The following OXR1 variants were observed in gnomAD, a reference collection of about 807,000 sequenced individuals.
OXR1 encodes the protein oxidation resistance protein 1.
A neutral mutation model predicts 104.6 loss-of-function variants in OXR1; 41 were observed. The ratio of observed to expected loss-of-function variants is 0.39; its 90% confidence interval spans 0.31 to 0.51. The LOEUF (loss-of-function observed/expected upper bound fraction) is 0.51, where lower values mean the gene tolerates loss of function less well. Among genes scored for constraint, OXR1 ranks in the 20% least tolerant of loss-of-function variants. The pLI, the probability that OXR1 is intolerant of heterozygous loss-of-function variation, is 0.77. For synonymous variants in OXR1, 348 were observed against 348.4 expected (o/e 1.00, Z 0.01); for missense variants, 955 against 1,031.9 (o/e 0.93, Z 1.02).
chr8:106,415,674 A>T (rs1166504169), intron 2 of OXR1, among the ~76,000 whole-genome samples: 2 of 150,734 alleles, frequency 1.3e-5, no homozygotes, highest in South Asian at 2.1e-4. Flanking sequence ...TATAAGACAC[A>T]CTCTTTTTAA....
chr8:106,522,320 T>C (rs1156381295), intron 3 of OXR1, among the ~76,000 whole-genome samples: 1 of 152,224 alleles, frequency 6.6e-6, no homozygotes, highest in Non-Finnish European at 1.5e-5. Context: ...CATGCTCCTG[T>C]ATACTGGAAA....
intron 2 of OXR1, among the ~76,000 whole-genome samples, chr8:106,403,563 G>A (rs1198594889): frequency 1.3e-5 from 2 of 152,220 alleles, no homozygotes; most frequent in Admixed American, 1.3e-4. Flanking sequence ...GATTCTACCA[G>A]TTTAGATAGG....
intron 1 of OXR1, among the ~76,000 whole-genome samples, chr8:106,307,681 G>A (rs2130117750): frequency 6.6e-6 from 1 of 152,164 alleles, no homozygotes; most frequent in South Asian, 2.1e-4. Context: ...GCTATAACAG[G>A]TACCTAGGGC....
At chr8:106,315,702 T>C (rs1586511801) in intron 1 of OXR1, among the ~76,000 whole-genome samples, 1 of 152,246 alleles carries the variant, frequency 6.6e-6, no homozygotes, top group African/African-American at 2.4e-5. Context: ...TATGAATTGT[T>C]ATTTTCTCCA....
At chr8:106,509,773 A>C (rs187409380) in intron 2 of OXR1, among the ~76,000 whole-genome samples, 2 of 152,204 alleles carry the variant, frequency 1.3e-5, no homozygotes, top group Admixed American at 1.3e-4. Context: ...TCCAACAAAC[A>C]TTCTTTATTT....
At chr8:106,323,991 C>G (rs1288422442) in intron 1 of OXR1, among the ~76,000 whole-genome samples, 4 of 152,074 alleles carry the variant, frequency 2.6e-5, no homozygotes, top group African/African-American at 9.7e-5. Context: ...ACCATTCAAC[C>G]CAGCAATCCC....
chr8:106,435,899 C>T (rs906226443), intron 2 of OXR1, among the ~76,000 whole-genome samples: 3 of 151,954 alleles, frequency 2.0e-5, no homozygotes, highest in African/African-American at 7.2e-5. Context: ...ACAAATATGA[C>T]CAAAAGTGAT....
chr8:106,677,459 G>A (rs937862981), intron 3 of OXR1, among the ~76,000 whole-genome samples: 3 of 152,056 alleles, frequency 2.0e-5, no homozygotes, highest in South Asian at 2.1e-4. Flanking sequence ...ATTGCCACCA[G>A]GAATGCAGAA....
At chr8:106,703,232 G>C in intron 8 of OXR1, 142 bp downstream of exon 8, 1 of 565,994 alleles carries the variant, frequency 1.8e-6, no homozygotes, top group South Asian at 2.7e-5. Context: ...ATGCATTATT[G>C]AGAAGATTAT....
At chr8:106,618,007 T>C (rs1821382355) in intron 3 of OXR1, 7 of 1,487,232 alleles carry the variant, frequency 4.7e-6, no homozygotes, top group Non-Finnish European at 6.2e-6. Flanking sequence ...TCTTGCACAC[T>C]GCCACCAGGG....
chr8:106,375,251 C>T (rs533147389), intron 2 of OXR1, among the ~76,000 whole-genome samples: 9 of 152,124 alleles, frequency 5.9e-5, no homozygotes, highest in African/African-American at 1.7e-4. Flanking sequence ...ACTGTAAAGA[C>T]GATGATATAA....
At chr8:106,514,246 G>A (rs1173728806) in intron 2 of OXR1, among the ~76,000 whole-genome samples, 5 of 151,918 alleles carry the variant, frequency 3.3e-5, no homozygotes, top group Admixed American at 1.3e-4. Context: ...TTTGTTTAAC[G>A]CATTTAATTA....
At chr8:106,571,109 G>T (rs1468737715) in intron 3 of OXR1, among the ~76,000 whole-genome samples, 1 of 151,818 alleles carries the variant, frequency 6.6e-6, no homozygotes, top group Admixed American at 6.6e-5. Flanking sequence ...TATATGCTAG[G>T]TGGCCAAAAA....
At chr8:106,749,232 A>C (rs1017610856) in intron 16 of OXR1, among the ~76,000 whole-genome samples, 4 of 151,478 alleles carry the variant, frequency 2.6e-5, no homozygotes, top group African/African-American at 9.7e-5. Flanking sequence ...AGTCCCAGCT[A>C]TTTGGGAGGC....
chr8:106,673,403 G>A (rs570857939), intron 3 of OXR1, among the ~76,000 whole-genome samples: 2 of 152,254 alleles, frequency 1.3e-5, no homozygotes, highest in African/African-American at 4.8e-5. Context: ...AGGTGACCTG[G>A]GTGACCGTAA....
chr8:106,284,136 T>G (rs966912213), intron 1 of OXR1, among the ~76,000 whole-genome samples: 2 of 151,816 alleles, frequency 1.3e-5, no homozygotes, highest in Admixed American at 6.6e-5. Flanking sequence ...AATAGTATAA[T>G]ATTTGTGCTG....
chr8:106,430,596 G>T (rs1422372916), intron 2 of OXR1, among the ~76,000 whole-genome samples: 1 of 152,142 alleles, frequency 6.6e-6, no homozygotes, highest in African/African-American at 2.4e-5. Context: ...AACTAAGACA[G>T]ATCCATAGAG....
intron 2 of OXR1, among the ~76,000 whole-genome samples, chr8:106,430,115 T>G (rs1019547098): frequency 6.6e-6 from 1 of 152,146 alleles, no homozygotes; most frequent in African/African-American, 2.4e-5. Context: ...TCTTTAAGTC[T>G]TTTTTGTAAA....
chr8:106,378,643 G>A (rs370573161), intron 2 of OXR1, among the ~76,000 whole-genome samples: 1 of 152,292 alleles, frequency 6.6e-6, no homozygotes, highest in East Asian at 1.9e-4. Flanking sequence ...CCGAGTAGCT[G>A]GGATTACAGG....
Sources: gnomAD v4.1 joint callset for allele counts (sites outside exome capture counted in the v4.1 genomes callset) on GRCh38, gnomAD v4.1.1 for gene constraint, MANE v1.5 for transcripts, NCBI Gene and HGNC (gene_info 2026-07-23, HGNC 2026-07-21) for gene names.